The following PLA2G4E variants were observed in gnomAD, a reference collection of about 807,000 sequenced individuals.
The protein encoded by PLA2G4E is cytosolic phospholipase A2 epsilon.
A neutral mutation model predicts 109.1 loss-of-function variants in PLA2G4E; 84 were observed. That is an observed-to-expected ratio of 0.77 (90% CI 0.65 to 0.92). The LOEUF is 0.92. PLA2G4E is among the 40% of genes least tolerant of loss of function. PLA2G4E has a pLI of 0.00. For synonymous variants in PLA2G4E, 469 were observed against 436.1 expected (o/e 1.08, Z -0.94); for missense variants, 1,057 against 1,076.6 (o/e 0.98, Z 0.25).
At chr15:42,001,908 G>T (rs1356572797) in intron 6 of PLA2G4E, among the ~76,000 whole-genome samples, 1 of 152,126 alleles carries the variant, frequency 6.6e-6, no homozygotes, top group East Asian at 1.9e-4. Context: ...GCCCAGACTT[G>T]TTTTGAACTC....
chr15:42,043,365 A>C (rs1474790751), intron 1 of PLA2G4E, among the ~76,000 whole-genome samples: 3 of 151,794 alleles, frequency 2.0e-5, no homozygotes, highest in Non-Finnish European at 2.9e-5. Context: ...ATATGTGAGG[A>C]AGGTGGGCCT....
At chr15:42,041,594 C>A (rs915545209) in intron 1 of PLA2G4E, among the ~76,000 whole-genome samples, 59 of 152,154 alleles carry the variant, frequency 3.9e-4, no homozygotes, top group African/African-American at 1.4e-3. Flanking sequence ...CCATTGAAGT[C>A]AGATGACAAG....
intron 1 of PLA2G4E, among the ~76,000 whole-genome samples, chr15:42,021,642 G>C (rs866878298): frequency 6.6e-6 from 1 of 152,170 alleles, no homozygotes; most frequent in African/African-American, 2.4e-5. Context: ...GCCAGGTGGA[G>C]AGAGGGCGTG....
intron 1 of PLA2G4E, among the ~76,000 whole-genome samples, chr15:42,026,103 G>A (rs1056106091): frequency 2.0e-5 from 3 of 152,016 alleles, no homozygotes; most frequent in Non-Finnish European, 4.4e-5. Context: ...TAGATCTCAC[G>A]TTTCCCCTCT....
At chr15:42,040,170 T>C (rs2665212) in intron 1 of PLA2G4E, among the ~76,000 whole-genome samples, 144,218 of 152,012 alleles carry the variant, frequency 0.95, 68,762 homozygotes, top group African/African-American at 0.99. Context: ...ACCCCCTCCA[T>C]CATTCTACAA....
chr15:42,050,457 C>A (rs986392719), intron 1 of PLA2G4E: 2 of 1,480,242 alleles, frequency 1.4e-6, no homozygotes, highest in Non-Finnish European at 1.8e-6. Flanking sequence ...GATCTTATTC[C>A]GAGTCAGGAA....
At chr15:42,044,337 G>C (rs1889373901) in intron 1 of PLA2G4E, among the ~76,000 whole-genome samples, 1 of 152,104 alleles carries the variant, frequency 6.6e-6, no homozygotes, top group South Asian at 2.1e-4. Flanking sequence ...GGGCTGTGGG[G>C]AGAGTCCCCC....
exon 20 of PLA2G4E, chr15:41,982,240 C>T (rs2068077044): frequency 6.6e-6 from 1 of 152,264 alleles, no homozygotes; most frequent in Non-Finnish European, 1.5e-5. Flanking sequence ...GTCTTCCTGC[C>T]TTTCTGCTTT....
At chr15:42,004,079 G>A (rs1203042907) in intron 5 of PLA2G4E, among the ~76,000 whole-genome samples, 1 of 152,160 alleles carries the variant, frequency 6.6e-6, no homozygotes, top group African/African-American at 2.4e-5. Context: ...GGGAGGCCGA[G>A]GCAGGTGGAT....
intron 13 of PLA2G4E, among the ~76,000 whole-genome samples, chr15:41,991,320 T>C (rs1027946711): frequency 6.6e-6 from 1 of 152,208 alleles, no homozygotes; most frequent in African/African-American, 2.4e-5. Context: ...CTCCTCATCA[T>C]ATGCGGCACT....
rs539875385 is a variant in PLA2G4E at position 41,985,782 on chromosome 15, G to A, written c.2202+57C>T. On this transcript the variant is annotated intron_variant, in intron 18 of 19. Coordinates refer to ENST00000399518, the Ensembl canonical transcript of PLA2G4E. ...CACAGCGAGTGAGGCCACTGACTGCGGGGCCCATCTTAGGAGAGGCTGCAG... is the reference window on the plus strand; with the variant it reads ...CACAGCGAGTGAGGCCACTGACTGCAGGGCCCATCTTAGGAGAGGCTGCAG... The A allele has an allele frequency of 3.5e-4, 536 of 1,547,498 alleles. 2 individuals are homozygous for A. The South Asian group carries it at 4.2e-3, about 12-fold the overall frequency.
rs1379576038 is a variant in PLA2G4E, at chr15:41,989,714, T to C, written c.1586-162A>G. On this transcript the variant is annotated intron_variant, in intron 14 of 19. Coordinates refer to ENST00000399518, the Ensembl canonical transcript of PLA2G4E. ...ACACATGGGGGCACCCTTGGCCAGCTTCTGCTGGTGTAGCAAGGGTCAGCT... is the reference window on the plus strand; with the variant it reads ...ACACATGGGGGCACCCTTGGCCAGCCTCTGCTGGTGTAGCAAGGGTCAGCT... 2.0e-5 allele frequency among the ~76,000 whole-genome samples: 3 copies of C among 152,194 alleles called. No individual in the cohort carries two copies. The East Asian group carries it at 5.8e-4, about 29-fold the overall frequency.
chr15:42,040,708 AC>A (rs1889300319), intron 1 of PLA2G4E, among the ~76,000 whole-genome samples: 1 of 152,252 alleles, frequency 6.6e-6, no homozygotes, highest in Admixed American at 6.5e-5. Flanking sequence ...AAAGATATAA[AC>A]AGGCAATTAA....
intron 1 of PLA2G4E, among the ~76,000 whole-genome samples, chr15:42,027,391 T>C (rs1595574544): frequency 6.6e-6 from 1 of 152,288 alleles, no homozygotes. Flanking sequence ...AGTGAGGATA[T>C]TGGGCCATGT....
chr15:41,984,321 C>T (rs2068104684), intron 19 of PLA2G4E, 115 bp downstream of exon 19: 1 of 1,190,106 alleles, frequency 8.4e-7, no homozygotes, highest in East Asian at 2.5e-5. Flanking sequence ...AAGGTTGGCT[C>T]AGGCTGGAGC....
At chr15:42,001,652 C>A (rs1215686774) in intron 6 of PLA2G4E, among the ~76,000 whole-genome samples, 1 of 152,192 alleles carries the variant, frequency 6.6e-6, no homozygotes, top group Non-Finnish European at 1.5e-5. Context: ...CCCTGAGGCA[C>A]TGGATGCATT....
At chr15:42,002,287 A>AAC (rs1555386330) in intron 6 of PLA2G4E, among the ~76,000 whole-genome samples, 1,848 of 140,894 alleles carry the variant, frequency 0.013, 74 homozygotes, top group African/African-American at 0.048. Context: ...AAAAAAAAAA[A>AAC]GGTAAACTGT....
intron 17 of PLA2G4E, among the ~76,000 whole-genome samples, chr15:41,986,462 C>T (rs1044232056): frequency 1.3e-5 from 2 of 152,088 alleles, no homozygotes; most frequent in African/African-American, 4.8e-5. Context: ...CTGCTGCTTA[C>T]CACTTGGGGG....
chr15:42,040,552 G>C (rs924147178), intron 1 of PLA2G4E, among the ~76,000 whole-genome samples: 1 of 152,156 alleles, frequency 6.6e-6, no homozygotes, highest in Non-Finnish European at 1.5e-5. Context: ...CAGATATTAG[G>C]TTTCTCTATG....
Sources: gnomAD v4.1 joint callset for allele counts (sites outside exome capture counted in the v4.1 genomes callset) on GRCh38, gnomAD v4.1.1 for gene constraint, MANE v1.5 for transcripts, NCBI Gene and HGNC (gene_info 2026-07-23, HGNC 2026-07-21) for gene names.